PBX4: variants seen among roughly 807,000 people sequenced by gnomAD.
PBX4 encodes the protein pre-B-cell leukemia transcription factor 4.
A neutral mutation model predicts 35.1 loss-of-function variants in PBX4; 26 were observed. That is an observed-to-expected ratio of 0.74 (90% confidence interval 0.54 to 1.03). PBX4 has a LOEUF of 1.03. PBX4 is among the 50% of genes least tolerant of loss of function. The pLI, the probability that PBX4 is intolerant of heterozygous loss-of-function variation, is 0.00. For missense variants in PBX4, 448 were observed against 504.3 expected, an observed-to-expected ratio of 0.89 and a Z score of 1.07; for synonymous variants, 199 against 204.2, an observed-to-expected ratio of 0.97 and a Z score of 0.22.
intron 2 of PBX4, among the ~76,000 whole-genome samples, chr19:19,594,647 T>G (rs902916466): frequency 3.3e-5 from 5 of 152,042 alleles, no homozygotes; most frequent in African/African-American, 1.2e-4. Flanking sequence ...CTCTCAAAAA[T>G]TGGTTTCTCG....
chr19:19,614,360 G>A (rs2061677843), intron 1 of PBX4, among the ~76,000 whole-genome samples: 1 of 151,178 alleles, frequency 6.6e-6, no homozygotes, highest in Non-Finnish European at 1.5e-5. Context: ...ATGGCCCGGC[G>A]CAGTGGCTCA....
At chr19:19,615,186 A>G (rs2061682409) in intron 1 of PBX4, among the ~76,000 whole-genome samples, 1 of 150,522 alleles carries the variant, frequency 6.6e-6, no homozygotes, top group African/African-American at 2.4e-5. Context: ...AAAAAAAAAA[A>G]AAAAAGAAAG....
rs370959285 is a variant in PBX4 at position 19,599,376 on chromosome 19, G to A, written c.120-11C>T. On this transcript the variant is annotated splice_polypyrimidine_tract_variant and intron_variant, in intron 1 of 7. Coordinates refer to ENST00000251203, the MANE Select transcript of PBX4 (RefSeq NM_025245.3). ...TTCAGAGCATGCTTTCTGAAAGGGA[G>A]GTGACAGAGGAGGGTGTGAGAAAAG... is the stretch of plus-strand genomic sequence containing the variant. 6.2e-5 allele frequency: 100 copies of A among 1,608,688 alleles called. No homozygotes were observed. The highest frequency in any genetic ancestry group is 8.2e-5 in the Non-Finnish European group (96 of 1,175,400).
chr19:19,573,588 T>C (rs562805694), intron 2 of PBX4, among the ~76,000 whole-genome samples: 5 of 152,144 alleles, frequency 3.3e-5, no homozygotes, highest in South Asian at 4.1e-4. Context: ...AAATTAGTCA[T>C]GCAAATTAGA....
Position 19,570,000 on chromosome 19 carries a change from C to T in PBX4, c.632+109G>A, listed in dbSNP as rs1167702473. ...CCCAAGAGGCTGTGAGGCCTCCAAC[C>T]GTGACTGCAGACACAGCCTCCAGGG... On this transcript the variant is annotated intron_variant, in intron 4 of 7. Transcript: ENST00000251203. 1.1e-5 allele frequency: 13 copies of T among 1,175,122 alleles called. No individual in the cohort carries two copies. In the Admixed American group the frequency reaches 1.7e-4, roughly 15 times the overall value. The allele number at this position is 1,175,122 out of a possible 1,614,324, so 72.8% of individuals were successfully genotyped here.
chr19:19,596,472 G>T (rs575326927), intron 2 of PBX4, among the ~76,000 whole-genome samples: 3 of 151,846 alleles, frequency 2.0e-5, no homozygotes, highest in Admixed American at 6.6e-5. Context: ...GTGTGCGCAC[G>T]TGTGTGTGTG....
At chr19:19,564,686 C>T (rs1418626040) in intron 6 of PBX4, 2 of 488,122 alleles carry the variant, frequency 4.1e-6, no homozygotes, top group South Asian at 2.8e-5. Context: ...CAGGTGTGAG[C>T]CACCGCACCC....
chr19:19,580,131 A>ACACAGG (rs1383923198), intron 2 of PBX4, among the ~76,000 whole-genome samples: 27 of 152,236 alleles, frequency 1.8e-4, no homozygotes, highest in African/African-American at 4.6e-4. Context: ...TGCTCTGATC[A>ACACAGG]CACAGGCGCA....
At chr19:19,613,569 G>A (rs2061674090) in intron 1 of PBX4, among the ~76,000 whole-genome samples, 2 of 151,944 alleles carry the variant, frequency 1.3e-5, no homozygotes, top group Non-Finnish European at 2.9e-5. Flanking sequence ...CCCTGGGGCT[G>A]TGCTGGGCCT....
rs767372995 is a variant in PBX4, at chr19:19,570,303, G to C, written c.442-4C>G. 6.9e-6 allele frequency: 11 copies of C among 1,595,550 alleles called. No individual in the cohort carries two copies. Among genetic ancestry groups the C allele is most frequent in the Non-Finnish European group, 9.4e-6 (11 of 1,168,200 alleles). On this transcript the variant is annotated splice_region_variant and splice_polypyrimidine_tract_variant and intron_variant, in intron 3 of 7. Coordinates refer to ENST00000251203, the MANE Select transcript of PBX4 (RefSeq NM_025245.3). ...GCGTGGTGAACTCACGACAGGCCTG[G>C]GGTGGGAGCACAGACACGCCGGCCT...
At chr19:19,609,307 T>C (rs1032025172) in intron 1 of PBX4, among the ~76,000 whole-genome samples, 4 of 151,850 alleles carry the variant, frequency 2.6e-5, no homozygotes, top group African/African-American at 7.3e-5. Context: ...CCCAGCACTT[T>C]GGGAGGCTGA....
intron 5 of PBX4, among the ~76,000 whole-genome samples, chr19:19,565,790 T>C (rs1398004881): frequency 6.6e-6 from 1 of 151,920 alleles, no homozygotes; most frequent in African/African-American, 2.4e-5. Context: ...CAGTGGCACA[T>C]GCCTGTAATC....
chr19:19,569,137 C>A (rs1647104074), intron 5 of PBX4, among the ~76,000 whole-genome samples: 1 of 152,202 alleles, frequency 6.6e-6, no homozygotes, highest in Admixed American at 6.5e-5. Flanking sequence ...TAGCTCACTG[C>A]AGCCTCACCC....
intron 1 of PBX4, among the ~76,000 whole-genome samples, chr19:19,610,149 CACGTCTGTAATCCCA>C (rs2061655117): frequency 6.6e-6 from 1 of 152,196 alleles, no homozygotes; most frequent in Admixed American, 6.6e-5. Flanking sequence ...CACGGTGGCT[CACGTCTGTAATCCCA>C]CCACTTTGGG....
intron 1 of PBX4, among the ~76,000 whole-genome samples, chr19:19,600,839 G>GA (rs778441569): frequency 1.9e-3 from 272 of 143,752 alleles, no homozygotes; most frequent in Non-Finnish European, 2.6e-3. Context: ...AAAAAAGAAA[G>GA]AAAAAAAAAG....
intron 2 of PBX4, among the ~76,000 whole-genome samples, chr19:19,576,249 C>T (rs1199674784): frequency 1.3e-5 from 2 of 151,346 alleles, no homozygotes; most frequent in African/African-American, 2.4e-5. Flanking sequence ...TTTCTTGAGA[C>T]GAAGTCTCGC....
At chr19:19,599,257 A>T in intron 2 of PBX4, 35 bp downstream of exon 2, 1 of 1,568,960 alleles carries the variant, frequency 6.4e-7, no homozygotes, top group Non-Finnish European at 8.7e-7. Context: ...ATGAGCCACC[A>T]CGCTCGGCCA....
At chr19:19,606,421 C>T (rs2144783925) in intron 1 of PBX4, 1 of 152,388 alleles carries the variant, frequency 6.6e-6, no homozygotes, top group East Asian at 1.9e-4. Context: ...TGGGAGAGAA[C>T]CCCATGCTCT....
intron 2 of PBX4, among the ~76,000 whole-genome samples, chr19:19,583,768 T>C (rs1398428495): frequency 6.6e-6 from 1 of 151,780 alleles, no homozygotes; most frequent in East Asian, 1.9e-4. Context: ...CTGGCCAACA[T>C]AGTGAAACCC....
Sources: allele counts gnomAD v4.1 joint callset (sites outside exome capture counted in the v4.1 genomes callset), GRCh38; gene constraint gnomAD v4.1.1; transcripts MANE v1.5; gene names NCBI Gene and HGNC (gene_info 2026-07-23, HGNC 2026-07-21).